The following SREBF2 variants were observed in gnomAD, a reference collection of about 807,000 sequenced individuals.
SREBF2 encodes the protein sterol regulatory element-binding protein 2.
SREBF2 carries 55 observed loss-of-function variants against 113.1 expected under a neutral mutation model. The observed-to-expected ratio is 0.49, with a 90% CI of 0.39 to 0.61. The LOEUF is 0.61. SREBF2 is among the 20% of genes least tolerant of loss of function. The pLI is 0.00. For missense variants in SREBF2, 1,349 were observed against 1,487.4 expected (o/e 0.91, Z 1.53); for synonymous variants, 593 against 605.7 (o/e 0.98, Z 0.31).
intron 1 of SREBF2, among the ~76,000 whole-genome samples, chr22:41,862,571 C>T (rs1734245556): frequency 6.6e-6 from 1 of 152,154 alleles, no homozygotes; most frequent in Non-Finnish European, 1.5e-5. Context: ...AGTTTCATGG[C>T]TCTCTGTGGA....
intron 1 of SREBF2, among the ~76,000 whole-genome samples, chr22:41,850,275 C>T (rs2076915910): frequency 6.6e-6 from 1 of 152,010 alleles, no homozygotes; most frequent in South Asian, 2.1e-4. Context: ...TGGTGAAACC[C>T]TGTCTCTACT....
At chr22:41,867,338 T>C in intron 2 of SREBF2, 58 bp downstream of exon 2, 2 of 1,559,822 alleles carry the variant, frequency 1.3e-6, no homozygotes, top group South Asian at 2.2e-5. Flanking sequence ...TGTGCCAGTT[T>C]GCAGACACTG....
intron 16 of SREBF2, among the ~76,000 whole-genome samples, chr22:41,902,386 CAGAG>C (rs1204630829): frequency 2.0e-5 from 3 of 152,284 alleles, no homozygotes; most frequent in East Asian, 1.9e-4. Flanking sequence ...AACTGAGGCT[CAGAG>C]AGACTAAGTC....
intron 1 of SREBF2, among the ~76,000 whole-genome samples, chr22:41,834,146 TTTGGAGAGGGTCAGCGGC>T: frequency 1.3e-5 from 2 of 152,192 alleles, no homozygotes; most frequent in Middle Eastern, 6.8e-3. Flanking sequence ...GGAACAACGA[TTTGGAGAGGGTCAGCGGC>T]TTGCTCAAGG....
chr22:41,896,035 G>A (rs1231664712), intron 13 of SREBF2, among the ~76,000 whole-genome samples: 1 of 151,954 alleles, frequency 6.6e-6, no homozygotes, highest in African/African-American at 2.4e-5. Flanking sequence ...CAGCTATTCC[G>A]GAGGCTGAGG....
chr22:41,891,323 C>A (rs939859195), intron 11 of SREBF2: 1 of 152,152 alleles, frequency 6.6e-6, no homozygotes, highest in Non-Finnish European at 1.5e-5. Flanking sequence ...CATTTGTTCT[C>A]CAGTATCCAG....
intron 9 of SREBF2, among the ~76,000 whole-genome samples, chr22:41,880,479 T>C (rs1195966787): frequency 6.6e-6 from 1 of 151,356 alleles, no homozygotes; most frequent in Non-Finnish European, 1.5e-5. Flanking sequence ...CAGTACAATC[T>C]CAATCGAGTA....
chr22:41,878,797 C>T, intron 9 of SREBF2: 4 of 1,237,146 alleles, frequency 3.2e-6, no homozygotes, highest in Non-Finnish European at 4.3e-6. Flanking sequence ...CTGCAAGCTG[C>T]AGGGCCATTA....
At position 41,863,482 on chromosome 22, in the gene SREBF2, C is replaced by A. The variant is rs867643284; in HGVS notation, c.89-3349C>A. Among the ~76,000 whole-genome samples, 6 of 152,206 alleles carry A rather than the reference C, an allele frequency of 3.9e-5. No individual in the cohort carries two copies. The South Asian group carries it at 6.2e-4, about 16-fold the overall frequency. ...AAAGGTTCAACAAATTCTTAGATTTCTCTTAGTCATTTTCTTAAAGCATTT... is the reference window on the plus strand; with the variant it reads ...AAAGGTTCAACAAATTCTTAGATTTATCTTAGTCATTTTCTTAAAGCATTT... On this transcript the variant is annotated intron_variant, in intron 1 of 18. Transcript: ENST00000361204.
rs928461388 is a variant in SREBF2 at position 41,833,312 on chromosome 22, G to A, written c.42G>A (p.Glu14=). 2 of 1,278,844 alleles carry A rather than the reference G, an allele frequency of 1.6e-6. No individual in the cohort carries two copies. The highest frequency in any genetic ancestry group is 2.5e-5 in the Admixed American group (1 of 40,800). The allele number at this position is 1,278,844 out of a possible 1,614,324, so 79.2% of individuals were successfully genotyped here. Residue 14 remains glutamate (E), a synonymous_variant, in exon 1 of 19, where the codon GAG becomes GAA. Transcript: ENST00000361204. This position sits in a 1 kb window ranked among gnomAD's most constrained non-coding sequence, Gnocchi z 4.1. ...SGELGGLETM[E]TLTELGDELT... ...AGCTGGGTGGTCTGGAGACCATGGA[G>A]ACCCTCACGGAGCTGGGCGACGAGC...
rs778167773 is a variant in SREBF2, at chr22:41,867,261, T to C, written c.519T>C (p.Asn173=). 6.2e-7 allele frequency: 1 copy of C among 1,614,222 alleles called. No individual in the cohort carries two copies. Among genetic ancestry groups the C allele is most frequent in the Non-Finnish European group, 8.5e-7 (1 of 1,180,042 alleles). ...TCCAGCAGCCTTTGATATACCAGAA[T>C]GCAGCTACTAGCTTTCAAGGTGATT... ...RIIQQPLIYQ[N]AATSFQVLQP... The change falls in exon 2 of 19, where the codon AAT becomes AAC. Residue 173 remains asparagine, a synonymous_variant. Coordinates refer to ENST00000361204, the MANE Select transcript of SREBF2 (RefSeq NM_004599.4).
chr22:41,886,861 C>G (rs945541829), intron 11 of SREBF2, among the ~76,000 whole-genome samples: 1 of 152,206 alleles, frequency 6.6e-6, no homozygotes, highest in Admixed American at 6.5e-5. Flanking sequence ...TGATGAAACC[C>G]TGTCTCTACT....
rs891268824 is a variant in SREBF2 at position 41,878,596 on chromosome 22, A to G, written c.1761+473A>G. ...TTTGGGGCTTTATTCCCAATTCTCT[A>G]TAGAACCAGGAAAGGTTTTTGAGCA... On this transcript the variant is annotated intron_variant, in intron 9 of 18. Coordinates refer to ENST00000361204, the MANE Select transcript of SREBF2 (RefSeq NM_004599.4). 14 of 1,127,626 alleles carry G rather than the reference A, an allele frequency of 1.2e-5. No individual in the cohort carries two copies. The African/African-American group carries it at 1.4e-4, about 12-fold the overall frequency. 69.9% of individuals were successfully genotyped at this position (1,127,626 alleles called of 1,614,324 possible).
chr22:41,869,792 G>A (rs1186076905), intron 3 of SREBF2, among the ~76,000 whole-genome samples: 2 of 151,748 alleles, frequency 1.3e-5, no homozygotes, highest in South Asian at 2.1e-4. Flanking sequence ...GCTGGGGGAC[G>A]TGTATTATTT....
intron 14 of SREBF2, 90 bp downstream of exon 14, chr22:41,897,251 G>A (rs1212310158): frequency 1.3e-6 from 1 of 757,516 alleles, no homozygotes; most frequent in Non-Finnish European, 2.1e-6. Context: ...CGTTAGGAGT[G>A]TAGATGCCAG....
At chr22:41,892,033 G>GT (rs776711854) in intron 11 of SREBF2, among the ~76,000 whole-genome samples, 9 of 152,222 alleles carry the variant, frequency 5.9e-5, no homozygotes, top group Non-Finnish European at 1.3e-4. Context: ...GGCTTTCCAG[G>GT]TTCCCCCTCT....
intron 15 of SREBF2, 100 bp from the exon 16 acceptor site, chr22:41,900,230 A>G: frequency 3.9e-6 from 6 of 1,557,192 alleles, no homozygotes; most frequent in Non-Finnish European, 5.2e-6. Context: ...TGCACATGTC[A>G]TATCAGTGTG....
At chr22:41,898,931 A>G in intron 15 of SREBF2, 150 bp downstream of exon 15, 1 of 1,118,926 alleles carries the variant, frequency 8.9e-7, no homozygotes, top group Non-Finnish European at 1.3e-6. Context: ...GGGTGAGGGC[A>G]CCATGGAGAA....
Position 41,873,957 on chromosome 22 carries a change from C to T in SREBF2, c.1027C>T (p.Arg343Cys). 2.5e-6 allele frequency: 4 copies of T among 1,614,108 alleles called. No individual in the cohort carries two copies. Among genetic ancestry groups the T allele is most frequent in the Non-Finnish European group, 3.4e-6 (4 of 1,180,020 alleles). The stretch of plus-strand genomic sequence containing the variant: ...CCATAATATCATTGAGAAACGATAT[C>T]GCTCCTCCATCAATGACAAAATCAT... ...TTHNIIEKRY[R>C]SSINDKIIEL... Residue 343 changes from arginine to cysteine, a missense_variant, in exon 5 of 19, where the codon CGC (arginine) becomes TGC (cysteine). This residue lies in a region of SREBF2 where 699 missense variants were observed against 843.3 expected (regional missense o/e 0.83). Transcript: ENST00000361204.
Sources: allele counts gnomAD v4.1 joint callset (sites outside exome capture counted in the v4.1 genomes callset), GRCh38; gene constraint gnomAD v4.1.1; regional missense constraint gnomAD v4.1.1; non-coding constraint Gnocchi (gnomAD v3.1); transcripts MANE v1.5; gene names NCBI Gene and HGNC (gene_info 2026-07-23, HGNC 2026-07-21).